Variants in QSOX1 observed in about 807,000 individuals in gnomAD.
QSOX1 encodes quiescin sulfhydryl oxidase 1.
A neutral mutation model predicts 76.1 loss-of-function variants in QSOX1; 40 were observed. The observed-to-expected ratio is 0.53, with a 90% CI of 0.41 to 0.68. QSOX1 has a LOEUF of 0.68. Among genes scored for constraint, QSOX1 ranks in the 30% least tolerant of loss-of-function variants. QSOX1 has a pLI of 0.00. For missense variants in QSOX1, 931 were observed against 974.3 expected (o/e 0.96, Z 0.59); for synonymous variants, 392 against 413.1 (o/e 0.95, Z 0.62).
Position 180,199,563 on chromosome 1 carries a change from G to C in QSOX1, c.*2526G>C, listed in dbSNP as rs984728168. 6 of 152,208 alleles carry C rather than the reference G, an allele frequency of 3.9e-5. No homozygotes were observed. Among genetic ancestry groups the C allele is most frequent in the African/African-American group, 1.4e-4 (6 of 41,430 alleles). The allele number at this position is 152,208 out of a possible 1,614,324, so 9.4% of individuals were successfully genotyped here. The stretch of plus-strand genomic sequence containing the variant: ...AGAGGAGAAAGCACATGCCAAGTCA[G>C]CAAAGAAAAGTAGAATTCGAAAACT... On this transcript the variant is annotated 3_prime_UTR_variant, in exon 12 of 12. Coordinates refer to ENST00000367602, the MANE Select transcript of QSOX1 (RefSeq NM_002826.5).
intron 1 of QSOX1, among the ~76,000 whole-genome samples, chr1:180,156,181 C>A (rs1662373162): frequency 6.6e-6 from 1 of 152,234 alleles, no homozygotes; most frequent in South Asian, 2.1e-4. Context: ...CATACATTGT[C>A]TCATAGTTTC....
intron 10 of QSOX1, 92 bp downstream of exon 10, chr1:180,190,672 T>C: frequency 7.0e-7 from 1 of 1,425,518 alleles, no homozygotes; most frequent in South Asian, 1.4e-5. Context: ...TCCCTTGAAT[T>C]GCCCCACTGG....
At chr1:180,160,122 C>T (rs866342077) in intron 1 of QSOX1, among the ~76,000 whole-genome samples, 3 of 152,118 alleles carry the variant, frequency 2.0e-5, no homozygotes, top group Non-Finnish European at 1.5e-5. Context: ...ACTGTAATGA[C>T]TCTCCCCAGG....
intron 6 of QSOX1, among the ~76,000 whole-genome samples, chr1:180,183,086 C>T (rs1663079713): frequency 6.6e-6 from 1 of 152,064 alleles, no homozygotes; most frequent in African/African-American, 2.4e-5. Flanking sequence ...CCAGAAAGTG[C>T]CAGTGATGGT....
At chr1:180,183,479 G>C (rs756669132) in intron 6 of QSOX1, among the ~76,000 whole-genome samples, 2 of 152,164 alleles carry the variant, frequency 1.3e-5, no homozygotes, top group African/African-American at 2.4e-5. Context: ...CTTCTTAGGG[G>C]GTAATGTCAC....
intron 10 of QSOX1, among the ~76,000 whole-genome samples, chr1:180,193,057 A>G (rs911552533): frequency 1.3e-5 from 2 of 151,946 alleles, no homozygotes; most frequent in African/African-American, 4.8e-5. Flanking sequence ...TAGTGGAGGT[A>G]ATGGCCTTGT....
rs1213018057 is a variant in QSOX1 at position 180,163,115 on chromosome 1, T to A, written c.266-3376T>A. On this transcript the variant is annotated intron_variant, in intron 1 of 11. Transcript: ENST00000367602. ...AATTCTGATTTTTCATCAGTGTACT[T>A]TTGATATTAAGGCTCATCAAAAAAA... Among the ~76,000 whole-genome samples, 10 of 151,684 alleles carry A rather than the reference T, an allele frequency of 6.6e-5. No individual in the cohort carries two copies. In the South Asian group the frequency reaches 1.7e-3, roughly 25 times the overall value.
intron 2 of QSOX1, among the ~76,000 whole-genome samples, chr1:180,173,642 T>C (rs1019072833): frequency 6.6e-6 from 1 of 152,116 alleles, no homozygotes; most frequent in Non-Finnish European, 1.5e-5. Context: ...TTGTTCCTCA[T>C]GTGGGAGAGG....
rs996603761 is a variant in QSOX1, at chr1:180,201,276, A to G, written c.*4239A>G. 2 of 152,202 alleles carry G rather than the reference A, an allele frequency of 1.3e-5. No homozygotes were observed. The highest frequency in any genetic ancestry group is 4.8e-5 in the African/African-American group (2 of 41,432). The allele number at this position is 152,202 out of a possible 1,614,324, so 9.4% of individuals were successfully genotyped here. A position where few individuals can be genotyped will look rare whatever the true frequency, so the allele number is the denominator to read the frequency against. On this transcript the variant is annotated 3_prime_UTR_variant, in exon 12 of 12. Transcript: ENST00000367602. ...GAGGAAATCACAGCCTATAAGATCA[A>G]TATCCTGATAGAATCCCGGGCCAGG...
chr1:180,167,436 TC>T (rs1662656561), intron 2 of QSOX1, among the ~76,000 whole-genome samples: 2 of 152,190 alleles, frequency 1.3e-5, no homozygotes. Context: ...CCAAGCATTG[TC>T]CCTGGAACAA....
intron 6 of QSOX1, 123 bp downstream of exon 6, chr1:180,182,442 G>A: frequency 7.4e-7 from 1 of 1,348,088 alleles, no homozygotes; most frequent in South Asian, 1.3e-5. Context: ...GCCCCCTCAG[G>A]AGAAGCTGCA....
chr1:180,183,892 C>T (rs768319562), intron 6 of QSOX1, 24 bp from the exon 7 acceptor site: 59 of 1,603,594 alleles, frequency 3.7e-5, no homozygotes, highest in Non-Finnish European at 4.5e-5. Context: ...ACTGCCTCTC[C>T]TCCCTGGTTC....
intron 7 of QSOX1, 82 bp from the exon 8 acceptor site, chr1:180,185,971 C>T (rs1329619090): frequency 2.0e-6 from 3 of 1,519,908 alleles, no homozygotes; most frequent in Non-Finnish European, 2.7e-6. Context: ...TCTCTTCTCT[C>T]CCTTTAGCCC....
chr1:180,175,812 GTC>G (rs1572044947), intron 3 of QSOX1, 117 bp from the exon 4 acceptor site: 5 of 769,316 alleles, frequency 6.5e-6, no homozygotes, highest in Admixed American at 4.4e-5. Context: ...CGCCTCGTCT[GTC>G]TCTGTCAGAG....
At position 180,196,903 on chromosome 1, in the gene QSOX1, G is replaced by A; in HGVS notation, c.2110G>A (p.Gly704Ser). 9 of 1,593,226 alleles carry A rather than the reference G, an allele frequency of 5.6e-6. No homozygotes were observed. Among genetic ancestry groups the A allele is most frequent in the African/African-American group, 1.3e-5 (1 of 74,416 alleles). The change falls in exon 12 of 12, where the codon GGC (glycine) becomes AGC (serine). Residue 704 changes from glycine to serine, a missense_variant. Physicochemically the swap from Gly to Ser is moderately conservative, Grantham distance 56. Coordinates refer to ENST00000367602, the MANE Select transcript of QSOX1 (RefSeq NM_002826.5). This position sits in a 1 kb window ranked among gnomAD's most constrained non-coding sequence, Gnocchi z 4.1. Reference protein sequence around the residue: ...RGQWLQVLGGGFSYLDISLCV... With the variant: ...RGQWLQVLGGSFSYLDISLCV... ...CCAGTGGCTGCAGGTGCTGGGAGGG[G>A]GCTTCTCTTACCTGGACATCAGCCT...
chr1:180,186,683 C>G (rs930033931), intron 8 of QSOX1, among the ~76,000 whole-genome samples: 1 of 152,222 alleles, frequency 6.6e-6, no homozygotes, highest in Admixed American at 6.5e-5. Context: ...GGCTACTCCA[C>G]GAAGGGTAGC....
rs1662960203 is a variant in QSOX1 at position 180,178,811 on chromosome 1, G to A, written c.533G>A (p.Gly178Glu). 1 of 1,613,868 alleles carries A rather than the reference G, an allele frequency of 6.2e-7. No individual in the cohort carries two copies. ...TCTTGCAGGCTGGAGGAGATTGATG[G>A]ATTCTTTGCGAGAAATAACGAAGAG... is the stretch of plus-strand genomic sequence containing the variant. ...LEPAKLEEID[G>E]FFARNNEEYL... Residue 178 changes from glycine to glutamate, a missense_variant, in exon 5 of 12, where the codon GGA becomes GAA. Physicochemically the swap from Gly to Glu is moderately conservative, Grantham distance 98. Transcript: ENST00000367602.
Position 180,196,591 on chromosome 1 carries a change from G to A in QSOX1, c.1798G>A (p.Gly600Arg). 1 of 1,614,142 alleles carries A rather than the reference G, an allele frequency of 6.2e-7. No homozygotes were observed. The highest frequency in any genetic ancestry group is 8.5e-7 in the Non-Finnish European group (1 of 1,180,038). ...TNTTPHVPAE[G>R]PEASRPPKLH... ...CACCACCCCACATGTGCCGGCTGAG[G>A]GACCTGAGGCAAGTCGACCCCCGAA... is the stretch of plus-strand genomic sequence containing the variant. The change falls in exon 12 of 12, where the codon GGA becomes AGA. Residue 600 changes from glycine (G) to arginine (R), a missense_variant. Transcript: ENST00000367602. This position sits in a 1 kb window ranked among gnomAD's most constrained non-coding sequence, Gnocchi z 4.1.
At chr1:180,166,995 T>C (rs1197871733) in intron 2 of QSOX1, among the ~76,000 whole-genome samples, 3 of 152,184 alleles carry the variant, frequency 2.0e-5, no homozygotes, top group Non-Finnish European at 4.4e-5. Flanking sequence ...ACTGTCAGAA[T>C]GTCAGTGCCT....
Sources: allele counts gnomAD v4.1 joint callset (sites outside exome capture counted in the v4.1 genomes callset), GRCh38; gene constraint gnomAD v4.1.1; non-coding constraint Gnocchi (gnomAD v3.1); transcripts MANE v1.5; gene names NCBI Gene and HGNC (gene_info 2026-07-23, HGNC 2026-07-21).